Variants in DPYD observed in about 807,000 individuals in gnomAD.
The protein encoded by DPYD is dihydropyrimidine dehydrogenase [NADP(+)].
DPYD carries 109 observed loss-of-function variants against 116.2 expected under a neutral mutation model. That is an observed-to-expected ratio of 0.94 (90% CI 0.80 to 1.10). The LOEUF (loss-of-function observed/expected upper bound fraction) is 1.10, where lower values mean the gene tolerates loss of function less well. Among genes scored for constraint, DPYD ranks in the 50% least tolerant of loss-of-function variants. DPYD has a pLI of 0.00. For missense variants in DPYD, 1,302 were observed against 1,254.5 expected, an observed-to-expected ratio of 1.04 and a Z score of -0.57; for synonymous variants, 440 against 432.0, an observed-to-expected ratio of 1.02 and a Z score of -0.23.
intron 12 of DPYD, among the ~76,000 whole-genome samples, chr1:97,529,672 CTT>C (rs1649424651): frequency 6.7e-6 from 1 of 149,162 alleles, no homozygotes; most frequent in Non-Finnish European, 1.5e-5. Flanking sequence ...TTTCTTTTCT[CTT>C]TCTCTTTTCT....
At chr1:97,167,303 G>T (rs908910768) in intron 20 of DPYD, among the ~76,000 whole-genome samples, 2 of 152,092 alleles carry the variant, frequency 1.3e-5, no homozygotes, top group African/African-American at 4.8e-5. Flanking sequence ...GCTGGCATTA[G>T]ATTTAAAAAT....
chr1:97,323,597 TATGTGTATATATACACGTATATATA>T lies in DPYD; in HGVS notation c.2059-17325_2059-17301del, dbSNP rs1168333430. ...TATATATACATATCATATATACATA[TATGTGTATATATACACGTATATATA>T]CATATCATATATACATATATGTGTA... On this transcript the variant is annotated intron_variant, in intron 16 of 22. Coordinates refer to ENST00000370192, the MANE Select transcript of DPYD (RefSeq NM_000110.4). Among the ~76,000 whole-genome samples, 20 of 87,082 alleles carry T rather than the reference TATGTGTATATATACACGTATATATA, an allele frequency of 2.3e-4. 1 individual carries two copies. In the East Asian group the frequency reaches 5.9e-3, roughly 26 times the overall value. The allele number at this position is 87,082 out of a possible 152,430, so 57.1% of individuals were successfully genotyped here. A position where few individuals can be genotyped will look rare whatever the true frequency, so the allele number is the denominator to read the frequency against.
At chr1:97,318,895 T>A (rs1038345915) in intron 16 of DPYD, among the ~76,000 whole-genome samples, 2 of 147,966 alleles carry the variant, frequency 1.4e-5, no homozygotes, top group African/African-American at 5.0e-5. Context: ...CAGACAACAG[T>A]GCAATCAAAC....
chr1:97,602,023 CATTTTTAAAAATGTT>C (rs1557830155), intron 8 of DPYD, among the ~76,000 whole-genome samples: 1 of 151,894 alleles, frequency 6.6e-6, no homozygotes, highest in East Asian at 1.9e-4. Context: ...ATAACAAGAA[CATTTTTAAAAATGTT>C]ATGAATGGAG....
At chr1:97,683,269 GT>G (rs1660522664) in intron 7 of DPYD, among the ~76,000 whole-genome samples, 1 of 151,784 alleles carries the variant, frequency 6.6e-6, no homozygotes, top group South Asian at 2.1e-4. Context: ...TAGTGTACAT[GT>G]TTCCTTGTGG....
intron 3 of DPYD, among the ~76,000 whole-genome samples, chr1:97,743,449 A>G (rs1480653401): frequency 6.6e-6 from 1 of 152,152 alleles, no homozygotes; most frequent in Non-Finnish European, 1.5e-5. Flanking sequence ...ACTGGAATGC[A>G]TACTGGTGAG....
At chr1:97,138,507 G>C (rs1440718531) in intron 20 of DPYD, among the ~76,000 whole-genome samples, 1 of 152,118 alleles carries the variant, frequency 6.6e-6, no homozygotes, top group Non-Finnish European at 1.5e-5. Flanking sequence ...AGAAGTAACT[G>C]AAAACAGCAG....
chr1:97,535,485 G>A (rs762499653), intron 12 of DPYD, among the ~76,000 whole-genome samples: 1 of 152,034 alleles, frequency 6.6e-6, no homozygotes, highest in South Asian at 2.1e-4. Flanking sequence ...GATTCCCTAC[G>A]TATTGGATCA....
intron 19 of DPYD, among the ~76,000 whole-genome samples, chr1:97,234,295 A>G (rs1661765830): frequency 6.6e-6 from 1 of 152,198 alleles, no homozygotes. Flanking sequence ...TAGGGGTATT[A>G]TTAAGAGTAC....
chr1:97,430,951 G>T (rs1314421760), intron 14 of DPYD, among the ~76,000 whole-genome samples: 2 of 152,026 alleles, frequency 1.3e-5, no homozygotes, highest in African/African-American at 2.4e-5. Flanking sequence ...AAAAATAACA[G>T]ATAGCAGAAC....
intron 13 of DPYD, among the ~76,000 whole-genome samples, chr1:97,458,562 T>C (rs1156389350): frequency 6.6e-6 from 1 of 152,168 alleles, no homozygotes; most frequent in African/African-American, 2.4e-5. Context: ...GCCTATAAAC[T>C]GAGTTACAAA....
intron 7 of DPYD, among the ~76,000 whole-genome samples, chr1:97,686,019 CCAAGACAATCCTAA>C (rs1660708006): frequency 3.3e-5 from 5 of 152,112 alleles, no homozygotes; most frequent in Non-Finnish European, 7.4e-5. Context: ...GCCCATATAG[CCAAGACAATCCTAA>C]GCCAAAAGAA....
chr1:97,197,137 C>T (rs1334014966), intron 19 of DPYD, among the ~76,000 whole-genome samples: 3 of 152,074 alleles, frequency 2.0e-5, no homozygotes, highest in African/African-American at 7.2e-5. Context: ...CTAGGAAGCC[C>T]ATTTACATCA....
At chr1:97,267,015 C>G (rs1201897162) in intron 18 of DPYD, among the ~76,000 whole-genome samples, 4 of 152,120 alleles carry the variant, frequency 2.6e-5, no homozygotes, top group African/African-American at 9.7e-5. Flanking sequence ...TTTATAGTAA[C>G]ATGATTTGTA....
chr1:97,618,046 G>A (rs1261189782), intron 8 of DPYD, among the ~76,000 whole-genome samples: 5 of 152,092 alleles, frequency 3.3e-5, no homozygotes, highest in Admixed American at 3.3e-4. Flanking sequence ...CAAGTATGTA[G>A]AGAAATAATT....
chr1:97,364,118 C>T (rs1341804619), intron 16 of DPYD, among the ~76,000 whole-genome samples: 2 of 151,990 alleles, frequency 1.3e-5, no homozygotes, highest in African/African-American at 2.4e-5. Flanking sequence ...CAATTTCTTC[C>T]ATGTTACCCA....
intron 3 of DPYD, among the ~76,000 whole-genome samples, chr1:97,813,702 C>A (rs1016631896): frequency 1.3e-5 from 2 of 152,006 alleles, no homozygotes; most frequent in Non-Finnish European, 2.9e-5. Context: ...TGGGACAGAG[C>A]TATAAGCCTG....
intron 12 of DPYD, among the ~76,000 whole-genome samples, chr1:97,523,418 C>A (rs896848768): frequency 6.6e-6 from 1 of 152,120 alleles, no homozygotes; most frequent in East Asian, 1.9e-4. Context: ...AACTCCATGA[C>A]AAGTATAGAC....
At chr1:97,642,044 G>A (rs1273319454) in intron 8 of DPYD, among the ~76,000 whole-genome samples, 2 of 152,080 alleles carry the variant, frequency 1.3e-5, no homozygotes, top group Non-Finnish European at 2.9e-5. Flanking sequence ...CAAATTACAA[G>A]GGGTGTGAAG....
Sources: gnomAD v4.1 joint callset for allele counts (sites outside exome capture counted in the v4.1 genomes callset) on GRCh38, gnomAD v4.1.1 for gene constraint, MANE v1.5 for transcripts, NCBI Gene and HGNC (gene_info 2026-07-23, HGNC 2026-07-21) for gene names.